The following UNC5C variants were observed in gnomAD, a reference collection of about 807,000 sequenced individuals.
UNC5C encodes the protein netrin receptor UNC5C.
A neutral mutation model predicts 99.8 loss-of-function variants in UNC5C; 47 were observed. The ratio of observed to expected loss-of-function variants is 0.47; its 90% confidence interval spans 0.37 to 0.60. The LOEUF (loss-of-function observed/expected upper bound fraction) is 0.60, where lower values mean the gene tolerates loss of function less well. UNC5C is among the 20% of genes least tolerant of loss of function. The pLI is 0.00. For missense variants in UNC5C, 1,062 were observed against 1,165.9 expected (o/e 0.91, Z 1.30); for synonymous variants, 487 against 452.2 (o/e 1.08, Z -0.98).
At chr4:95,469,041 G>A (rs958912838) in intron 1 of UNC5C, among the ~76,000 whole-genome samples, 1 of 151,892 alleles carries the variant, frequency 6.6e-6, no homozygotes, top group South Asian at 2.1e-4. Flanking sequence ...TATAGATAAG[G>A]GCAGTTCCAG....
intron 1 of UNC5C, among the ~76,000 whole-genome samples, chr4:95,374,015 CAT>C (rs201279973): frequency 6.6e-6 from 1 of 151,246 alleles, no homozygotes. Context: ...CCTTAAATTA[CAT>C]TATAAGCAAG....
intron 7 of UNC5C, among the ~76,000 whole-genome samples, chr4:95,234,538 C>T (rs1739036078): frequency 1.3e-5 from 2 of 152,136 alleles, no homozygotes; most frequent in African/African-American, 2.4e-5. Context: ...TAGTGTACCA[C>T]AGAACTCCAC....
At chr4:95,470,915 A>T (rs955912316) in intron 1 of UNC5C, among the ~76,000 whole-genome samples, 1 of 152,126 alleles carries the variant, frequency 6.6e-6, no homozygotes, top group Non-Finnish European at 1.5e-5. Context: ...TAATTTTTCA[A>T]CAAGATTAAT....
intron 1 of UNC5C, among the ~76,000 whole-genome samples, chr4:95,506,242 G>A (rs780545230): frequency 6.6e-6 from 1 of 151,974 alleles, no homozygotes; most frequent in African/African-American, 2.4e-5. Flanking sequence ...TCACAAAGTT[G>A]TTGCAGAATA....
chr4:95,437,138 C>T (rs1746819701), intron 1 of UNC5C, among the ~76,000 whole-genome samples: 1 of 151,748 alleles, frequency 6.6e-6, no homozygotes, highest in Non-Finnish European at 1.5e-5. Context: ...AAAAGCATAG[C>T]TGAACATCAA....
intron 14 of UNC5C, among the ~76,000 whole-genome samples, chr4:95,180,579 T>TC (rs1433360005): frequency 6.6e-6 from 1 of 152,222 alleles, no homozygotes; most frequent in Non-Finnish European, 1.5e-5. Context: ...CCTGGCTAAA[T>TC]CACCCAGAGA....
chr4:95,413,119 C>G (rs539739731), intron 1 of UNC5C, among the ~76,000 whole-genome samples: 2 of 152,280 alleles, frequency 1.3e-5, no homozygotes, highest in African/African-American at 4.8e-5. Context: ...ACTCAGTTCC[C>G]CAAACTCATA....
Position 95,202,801 on chromosome 4 carries a change from G to T in UNC5C, c.2066C>A (p.Pro689His). 6.2e-7 allele frequency: 1 copy of T among 1,614,244 alleles called. No homozygotes were observed. Among genetic ancestry groups the T allele is most frequent in the Middle Eastern group, 1.6e-4 (1 of 6,062 alleles). ...GTACTCCAGCGAGGAGCAGCACAGG[G>T]GCCCAAAGATGGCCAGCTTGAGGCG... ...AKRLKLAIFG[P>H]LCCSSLEYSI... is the part of the protein sequence containing the mutation. Residue 689 changes from proline (P) to histidine (H), a missense_variant, in exon 12 of 16, where the codon CCC becomes CAC. Around this residue, in one of 3 missense-constraint regions of UNC5C, gnomAD observed 810 missense variants for 854.5 expected, o/e 0.95. Coordinates refer to ENST00000453304, the MANE Select transcript of UNC5C (RefSeq NM_003728.4).
chr4:95,323,623 C>T (rs188044286), intron 2 of UNC5C, among the ~76,000 whole-genome samples: 27 of 152,228 alleles, frequency 1.8e-4, no homozygotes, highest in African/African-American at 4.8e-4. Context: ...ACAGATCTCC[C>T]GTAGTTCCCC....
chr4:95,278,152 C>A (rs769449439), intron 4 of UNC5C, 107 bp downstream of exon 4: 14 of 902,972 alleles, frequency 1.6e-5, no homozygotes, highest in Non-Finnish European at 2.3e-5. Flanking sequence ...TATTACCAAC[C>A]ATTCATCATG....
intron 7 of UNC5C, among the ~76,000 whole-genome samples, chr4:95,225,164 C>A (rs1738637015): frequency 1.3e-5 from 2 of 152,276 alleles, no homozygotes; most frequent in South Asian, 4.2e-4. Context: ...TCAAGCGATT[C>A]TCCTGTCTCA....
At chr4:95,454,770 CT>C (rs1747381936) in intron 1 of UNC5C, among the ~76,000 whole-genome samples, 1 of 152,074 alleles carries the variant, frequency 6.6e-6, no homozygotes, top group Non-Finnish European at 1.5e-5. Context: ...GACTTTATGA[CT>C]CAATGATTTT....
intron 1 of UNC5C, among the ~76,000 whole-genome samples, chr4:95,376,036 T>C (rs1325457100): frequency 6.6e-6 from 1 of 151,884 alleles, no homozygotes; most frequent in Non-Finnish European, 1.5e-5. Flanking sequence ...CTGGGCAACA[T>C]AGCAAGACTC....
chr4:95,529,338 A>ATATATGTGTATATATATTTATATG (rs1722579792), intron 1 of UNC5C, among the ~76,000 whole-genome samples: 4 of 147,886 alleles, frequency 2.7e-5, no homozygotes, highest in African/African-American at 9.8e-5. Flanking sequence ...ATTTATATGT[A>ATATATGTGTATATATATTTATATG]TATATGTGTA....
rs569793955 is a variant in UNC5C at position 95,371,410 on chromosome 4, A to G, written c.125-35779T>C. Among the ~76,000 whole-genome samples, 4 of 104,786 alleles carry G rather than the reference A, an allele frequency of 3.8e-5. No individual in the cohort carries two copies. In the East Asian group the frequency reaches 1.1e-3, roughly 28 times the overall value. The allele number at this position is 104,786 out of a possible 152,430, so 68.7% of individuals were successfully genotyped here. ...GCTATGATAAGAAAGAAATAAAAAC[A>G]CAGTATATTTTGTGGGGGGGGGGGA... On this transcript the variant is annotated intron_variant, in intron 1 of 15. Coordinates refer to ENST00000453304, the MANE Select transcript of UNC5C (RefSeq NM_003728.4).
intron 1 of UNC5C, among the ~76,000 whole-genome samples, chr4:95,466,877 C>T (rs1747797646): frequency 6.6e-6 from 1 of 152,004 alleles, no homozygotes; most frequent in Non-Finnish European, 1.5e-5. Context: ...AACTTCATTC[C>T]CATTGGGTGT....
intron 2 of UNC5C, among the ~76,000 whole-genome samples, chr4:95,305,233 A>C (rs1371688430): frequency 6.6e-6 from 1 of 152,184 alleles, no homozygotes; most frequent in East Asian, 1.9e-4. Flanking sequence ...GAAGTATCTA[A>C]ATACTTATGA....
intron 7 of UNC5C, among the ~76,000 whole-genome samples, chr4:95,241,270 T>C (rs1009230093): frequency 1.3e-5 from 2 of 152,212 alleles, no homozygotes; most frequent in Non-Finnish European, 2.9e-5. Context: ...CCAGAAGCTG[T>C]GCTTTATACA....
At chr4:95,342,285 G>A (rs1743607792) in intron 1 of UNC5C, among the ~76,000 whole-genome samples, 1 of 152,078 alleles carries the variant, frequency 6.6e-6, no homozygotes, top group Non-Finnish European at 1.5e-5. Context: ...AGAGGGAAGA[G>A]TAAAGAAGAC....
Sources: allele counts gnomAD v4.1 joint callset (sites outside exome capture counted in the v4.1 genomes callset), GRCh38; gene constraint gnomAD v4.1.1; regional missense constraint gnomAD v4.1.1; transcripts MANE v1.5; gene names NCBI Gene and HGNC (gene_info 2026-07-23, HGNC 2026-07-21).